PLEKHH2: variants seen among roughly 807,000 people sequenced by gnomAD.
The protein encoded by PLEKHH2 is pleckstrin homology, MyTH4 and FERM domain containing H2, also known as pleckstrin homology domain-containing family H member 2.
Under a neutral mutation model 187.9 loss-of-function variants are expected in PLEKHH2, and 129 were observed. That is an observed-to-expected ratio of 0.69 (90% CI 0.59 to 0.79). PLEKHH2 has a LOEUF of 0.79. PLEKHH2 is among the 30% of genes least tolerant of loss of function. The probability of loss-of-function intolerance (pLI) is 0.00; values close to 1 mark genes in which losing one functional copy is unlikely to be tolerated. For synonymous variants in PLEKHH2, 686 were observed against 605.6 expected (o/e 1.13, Z -1.95); for missense variants, 2,076 against 1,751.2 (o/e 1.19, Z -3.31).
Position 43,692,557 on chromosome 2 carries a change from C to T in PLEKHH2, c.230C>T (p.Thr77Ile). The T allele has an allele frequency of 6.3e-7, 1 of 1,592,862 alleles. No individual in the cohort carries two copies. Among genetic ancestry groups the T allele is most frequent in the Non-Finnish European group, 8.6e-7 (1 of 1,162,396 alleles). The change falls in exon 4 of 30, where the codon ACC becomes ATC. Residue 77 changes from threonine to isoleucine, a missense_variant. Thr to Ile is a moderately conservative substitution (Grantham distance 89, BLOSUM62 -1). Transcript: ENST00000282406. ...AAATTAAAAGCAGCTAATATTCAAA[C>T]CAGTGAATCAGAGACAAGATTATAT... is the stretch of plus-strand genomic sequence containing the variant. ...EDKLKAANIQTSESETRLYNK... is the reference protein window; with the variant it reads ...EDKLKAANIQISESETRLYNK...
intron 19 of PLEKHH2, among the ~76,000 whole-genome samples, chr2:43,738,094 A>G (rs142537786): frequency 6.6e-6 from 1 of 152,334 alleles, no homozygotes; most frequent in East Asian, 1.9e-4. Context: ...TATGTCTTCT[A>G]GATGAACTGA....
At chr2:43,761,472 A>G (rs1304878704) in intron 27 of PLEKHH2, among the ~76,000 whole-genome samples, 1 of 140,834 alleles carries the variant, frequency 7.1e-6, no homozygotes, top group East Asian at 2.1e-4. Context: ...GTGCAGTGGC[A>G]CTATCTCAGC....
intron 6 of PLEKHH2, 31 bp downstream of exon 6, chr2:43,695,255 G>T: frequency 7.7e-7 from 1 of 1,299,874 alleles, no homozygotes; most frequent in East Asian, 2.4e-5. Context: ...TAGCTTAGTT[G>T]GATTTATTTG....
chr2:43,705,715 A>G lies in PLEKHH2; in HGVS notation c.1727-607A>G, dbSNP rs1010861244. ...CGGCTCACTGCAACCTCCCCTTCCC[A>G]GGTTCAAGCAATTCTTGTGCCTCAG... On this transcript the variant is annotated intron_variant, in intron 9 of 29. Transcript: ENST00000282406. Among the ~76,000 whole-genome samples the G allele has an allele frequency of 2.0e-5, 3 of 151,944 alleles. No individual in the cohort carries two copies. The East Asian group carries it at 5.8e-4, about 29-fold the overall frequency.
At chr2:43,748,817 C>T (rs1003655820) in intron 24 of PLEKHH2, among the ~76,000 whole-genome samples, 4 of 151,546 alleles carry the variant, frequency 2.6e-5, no homozygotes, top group African/African-American at 4.9e-5. Flanking sequence ...AGTGCAATGG[C>T]ACGATCTCAG....
At chr2:43,711,711 G>C in intron 14 of PLEKHH2, 1 of 465,608 alleles carries the variant, frequency 2.1e-6, no homozygotes, top group Non-Finnish European at 2.8e-6. Context: ...CTAACACGGT[G>C]AAACCCCGTC....
At chr2:43,760,359 C>CTTTTTTTTTTTT (rs763777313) in intron 27 of PLEKHH2, among the ~76,000 whole-genome samples, 1 of 119,076 alleles carries the variant, frequency 8.4e-6, no homozygotes. Context: ...ACCCTTTAAC[C>CTTTTTTTTTTTT]TTTTTTTTTT....
intron 2 of PLEKHH2, among the ~76,000 whole-genome samples, chr2:43,667,497 C>G (rs576686160): frequency 5.3e-5 from 8 of 152,262 alleles, no homozygotes; most frequent in African/African-American, 1.7e-4. Context: ...GTTCATAGCA[C>G]CATTATTTAT....
chr2:43,675,888 C>T (rs1667739419), intron 2 of PLEKHH2: 14 of 1,614,092 alleles, frequency 8.7e-6, no homozygotes, highest in Non-Finnish European at 1.1e-5. Context: ...TGACAGCAAA[C>T]GTAGTGGGAA....
chr2:43,704,017 C>T lies in PLEKHH2; in HGVS notation c.1687C>T (p.Arg563Ter), dbSNP rs763555673. 4 of 1,557,810 alleles carry T rather than the reference C, an allele frequency of 2.6e-6. No homozygotes were observed. Among genetic ancestry groups the T allele is most frequent in the South Asian group, 1.1e-5 (1 of 89,884 alleles). Residue 563 changes from arginine to a stop codon, truncating the protein, a stop_gained, in exon 9 of 30, where the codon CGA (arginine) becomes TGA (stop). Transcript: ENST00000282406. LOFTEE classifies it high-confidence loss of function. The stretch of plus-strand genomic sequence containing the variant: ...TTATGCTGTAGCCAAATCAGGTATT[C>T]GAATGTCTGAGGCCTTCAATATGGA... ...RIYAVAKSGI[R>*]MSEAFNMESV...
chr2:43,731,676 A>T (rs1182303441), intron 19 of PLEKHH2, 74 bp downstream of exon 19: 1 of 1,022,964 alleles, frequency 9.8e-7, no homozygotes. Flanking sequence ...GAAAAAAATT[A>T]AAAATAACAT....
intron 2 of PLEKHH2, among the ~76,000 whole-genome samples, chr2:43,669,705 A>T (rs1270739831): frequency 6.6e-6 from 1 of 151,832 alleles, no homozygotes; most frequent in East Asian, 1.9e-4. Flanking sequence ...GTGAAAAGGA[A>T]GAAACTTTTT....
chr2:43,644,571 T>C (rs910709655), intron 1 of PLEKHH2, 100 bp from the exon 2 acceptor site: 5 of 965,650 alleles, frequency 5.2e-6, no homozygotes, highest in Non-Finnish European at 5.9e-6. Context: ...TTATAATGTG[T>C]ACATTGGGTA....
intron 2 of PLEKHH2, among the ~76,000 whole-genome samples, chr2:43,666,363 GC>G (rs1237710442): frequency 6.6e-6 from 1 of 151,126 alleles, no homozygotes; most frequent in Admixed American, 6.6e-5. Context: ...ACTGGCCTGC[GC>G]CCACTGTCTG....
At chr2:43,714,628 G>C (rs924049014) in intron 15 of PLEKHH2, among the ~76,000 whole-genome samples, 1 of 152,130 alleles carries the variant, frequency 6.6e-6, no homozygotes, top group African/African-American at 2.4e-5. Context: ...TTTGATTCTA[G>C]ACAGTCACTC....
intron 21 of PLEKHH2, among the ~76,000 whole-genome samples, chr2:43,741,723 C>A (rs912301191): frequency 2.6e-5 from 4 of 152,196 alleles, no homozygotes; most frequent in African/African-American, 7.2e-5. Flanking sequence ...TGATCAAGGT[C>A]ATCTGTGACC....
intron 26 of PLEKHH2, among the ~76,000 whole-genome samples, chr2:43,758,461 C>A (rs1396652900): frequency 6.6e-6 from 1 of 152,172 alleles, no homozygotes; most frequent in African/African-American, 2.4e-5. Flanking sequence ...CCACGTTGGC[C>A]AGGCTGGTCT....
intron 13 of PLEKHH2, 76 bp downstream of exon 13, chr2:43,710,406 A>G (rs767033776): frequency 6.1e-5 from 97 of 1,584,666 alleles, no homozygotes; most frequent in Non-Finnish European, 7.8e-5. Flanking sequence ...TTTCCTTCCC[A>G]TAATGCAAGT....
At chr2:43,728,866 A>G (rs1670905385) in intron 17 of PLEKHH2, among the ~76,000 whole-genome samples, 2 of 152,138 alleles carry the variant, frequency 1.3e-5, no homozygotes, top group Admixed American at 1.3e-4. Flanking sequence ...CCGGCCTACA[A>G]TACTCTTTTT....
Sources: gnomAD v4.1 joint callset for allele counts (sites outside exome capture counted in the v4.1 genomes callset) on GRCh38, gnomAD v4.1.1 for gene constraint, MANE v1.5 for transcripts, NCBI Gene and HGNC (gene_info 2026-07-23, HGNC 2026-07-21) for gene names.